EFCAB7: variants seen among roughly 807,000 people sequenced by gnomAD.
EFCAB7 encodes EF-hand calcium-binding domain-containing protein 7.
EFCAB7 carries 66 observed loss-of-function variants against 77.1 expected under a neutral mutation model. The observed-to-expected ratio is 0.86, with a 90% confidence interval of 0.70 to 1.05. The LOEUF (loss-of-function observed/expected upper bound fraction) is 1.05. EFCAB7 is among the 50% of genes least tolerant of loss of function. The pLI is 0.00. For missense variants in EFCAB7, 638 were observed against 730.5 expected, an observed-to-expected ratio of 0.87 and a Z score of 1.46; for synonymous variants, 225 against 243.3, an observed-to-expected ratio of 0.92 and a Z score of 0.70.
chr1:63,534,314 T>G (rs993759901), intron 6 of EFCAB7, 98 bp downstream of exon 6: 7 of 1,056,916 alleles, frequency 6.6e-6, no homozygotes, highest in Non-Finnish European at 9.3e-6. Flanking sequence ...CAGTAAAGTT[T>G]ATGAAGTAAT....
chr1:63,558,242 CAT>C (rs1647053840), intron 10 of EFCAB7, among the ~76,000 whole-genome samples: 1 of 152,200 alleles, frequency 6.6e-6, no homozygotes, highest in East Asian at 1.9e-4. Context: ...CACTAGAGAA[CAT>C]TCCATAAGAG....
chr1:63,534,192 G>A lies in EFCAB7; in HGVS notation c.780G>A (p.Lys260=). 1 of 1,612,618 alleles carries A rather than the reference G, an allele frequency of 6.2e-7. No individual in the cohort carries two copies. Among genetic ancestry groups the A allele is most frequent in the African/African-American group, 1.3e-5 (1 of 74,942 alleles). ...TMGANGNRNS[K]LMEPNLIKDW... is the part of the protein sequence containing the mutation. Reference sequence around the variant, plus strand: ...GGGCTAATGGTAACCGAAACTCAAAGTTAATGGAGCCAAATTTAATAAAGG... The same window carrying A: ...GGGCTAATGGTAACCGAAACTCAAAATTAATGGAGCCAAATTTAATAAAGG... The change falls in exon 6 of 14, where the codon AAG becomes AAA. Residue 260 remains lysine, a synonymous_variant. Transcript: ENST00000371088.
chr1:63,576,488 A>G (rs762625529), downstream of EFCAB7, among the ~76,000 whole-genome samples: 5 of 150,842 alleles, frequency 3.3e-5, no homozygotes, highest in Non-Finnish European at 5.9e-5. Context: ...CAAAAACAAC[A>G]ACAACAAAAA....
intron 11 of EFCAB7, among the ~76,000 whole-genome samples, chr1:63,565,770 A>G (rs1184972531): frequency 6.6e-6 from 1 of 152,248 alleles, no homozygotes; most frequent in Non-Finnish European, 1.5e-5. Flanking sequence ...AAAGTTCGAC[A>G]TCACTGATCA....
At chr1:63,539,493 C>T (rs1646803363) in intron 6 of EFCAB7, among the ~76,000 whole-genome samples, 2 of 152,124 alleles carry the variant, frequency 1.3e-5, no homozygotes, top group Non-Finnish European at 2.9e-5. Context: ...CTTAAAAAAT[C>T]ACTGCAGATA....
chr1:63,547,688 A>G (rs748335220), intron 7 of EFCAB7: 9 of 152,168 alleles, frequency 5.9e-5, no homozygotes, highest in East Asian at 1.9e-4. Flanking sequence ...TTTTTTCTCT[A>G]TAGGGCTTGC....
chr1:63,570,812 T>A (rs1333398540), intron 12 of EFCAB7: 6 of 368,464 alleles, frequency 1.6e-5, no homozygotes, highest in Non-Finnish European at 2.5e-5. Flanking sequence ...TTAAGTCACA[T>A]TTAAAAGAAA....
intron 3 of EFCAB7, 132 bp from the exon 4 acceptor site, chr1:63,532,538 A>ACT: frequency 1.6e-6 from 1 of 623,546 alleles, no homozygotes; most frequent in Non-Finnish European, 2.7e-6. Flanking sequence ...TATATATAAT[A>ACT]CTCATGATTT....
chr1:63,555,630 A>G (rs938217964), intron 9 of EFCAB7, 115 bp downstream of exon 9: 11 of 862,448 alleles, frequency 1.3e-5, no homozygotes, highest in South Asian at 7.6e-5. Flanking sequence ...TAATTCACCA[A>G]TTCAACTCTT....
chr1:63,556,873 C>CAA lies in EFCAB7; in HGVS notation c.1215-227_1215-226dup, dbSNP rs35065020. On this transcript the variant is annotated intron_variant, in intron 9 of 13. Coordinates refer to ENST00000371088, the MANE Select transcript of EFCAB7 (RefSeq NM_032437.4). ...AGAAACCCCATCTCTACTAAAAATA[C>CAA]AAAAAAAAAAAAAAATTAGCCAGGT... Among the ~76,000 whole-genome samples the CAA allele has an allele frequency of 2.8e-3, 351 of 123,900 alleles. 3 individuals carry two copies. The highest frequency in any genetic ancestry group is 0.01 in the South Asian group (41 of 3,952). The allele number at this position is 123,900 out of a possible 152,430, so 81.3% of individuals were successfully genotyped here.
chr1:63,582,885 G>A, the EFCAB7 span, among the ~76,000 whole-genome samples: 4 of 152,268 alleles, frequency 2.6e-5, no homozygotes, highest in East Asian at 1.9e-4. Context: ...GATTACAGGC[G>A]TGAGCCACCG....
At chr1:63,539,596 A>G (rs13375710) in intron 6 of EFCAB7, among the ~76,000 whole-genome samples, 27,346 of 152,096 alleles carry the variant, frequency 0.18, 2,565 homozygotes, top group Middle Eastern at 0.26. Flanking sequence ...TCTGCAGTCA[A>G]TTGAGAACTA....
intron 4 of EFCAB7, 33 bp from the exon 5 acceptor site, chr1:63,533,421 T>A: frequency 2.6e-6 from 4 of 1,544,662 alleles, no homozygotes; most frequent in Non-Finnish European, 3.5e-6. Flanking sequence ...TATGATTGAA[T>A]GTTTTACCCA....
In EFCAB7 at chr1:63,531,811, G is replaced by C. The variant is rs1646699917; in HGVS notation, c.188-9G>C. ...TACAATCACAAATAATACTTGTCTT[G>C]TTGGGCAGCTCTTCAGCATGCAGGA... On this transcript the variant is annotated splice_polypyrimidine_tract_variant and intron_variant, in intron 2 of 13. Transcript: ENST00000371088. 2 of 1,608,924 alleles carry C rather than the reference G, an allele frequency of 1.2e-6. No individual in the cohort carries two copies. Among genetic ancestry groups the C allele is most frequent in the African/African-American group, 2.7e-5 (2 of 74,562 alleles).
chr1:63,527,337 C>T (rs1474252681), intron 2 of EFCAB7, among the ~76,000 whole-genome samples: 1 of 152,100 alleles, frequency 6.6e-6, no homozygotes, highest in Non-Finnish European at 1.5e-5. Context: ...ACTCTCTTAA[C>T]GTTGTAATAA....
intron 11 of EFCAB7, among the ~76,000 whole-genome samples, chr1:63,567,629 A>C (rs1388963480): frequency 1.3e-5 from 2 of 152,134 alleles, no homozygotes; most frequent in Non-Finnish European, 2.9e-5. Flanking sequence ...AAAATACATA[A>C]GGATAATCTT....
At chr1:63,524,365 TC>T in intron 1 of EFCAB7, among the ~76,000 whole-genome samples, 2 of 152,288 alleles carry the variant, frequency 1.3e-5, no homozygotes, top group Middle Eastern at 6.8e-3. Context: ...CCCTGTGGGG[TC>T]CTTCTAAATC....
rs149772983 is a variant in EFCAB7 at position 63,572,603 on chromosome 1, G to A, written c.*87G>A. 212 of 1,177,698 alleles carry A rather than the reference G, an allele frequency of 1.8e-4. 2 individuals are homozygous for A. The East Asian group carries it at 6.6e-3, about 37-fold the overall frequency. 73.0% of individuals were successfully genotyped at this position (1,177,698 alleles called of 1,614,324 possible). On this transcript the variant is annotated 3_prime_UTR_variant, in exon 14 of 14. Coordinates refer to ENST00000371088, the MANE Select transcript of EFCAB7 (RefSeq NM_032437.4). ...AACAACTAAATGCTACTTAACTGAT[G>A]TACCTAAATAATAATCTATTCAATT...
chr1:63,524,401 A>G (rs1268103544), intron 1 of EFCAB7, among the ~76,000 whole-genome samples: 1 of 152,190 alleles, frequency 6.6e-6, no homozygotes, highest in East Asian at 1.9e-4. Context: ...AGTGTCAGGC[A>G]GGCGGCCTGC....
Sources: allele counts gnomAD v4.1 joint callset (sites outside exome capture counted in the v4.1 genomes callset), GRCh38; gene constraint gnomAD v4.1.1; transcripts MANE v1.5; gene names NCBI Gene and HGNC (gene_info 2026-07-23, HGNC 2026-07-21).